DAB1: variants seen among roughly 807,000 people sequenced by gnomAD.
The protein encoded by DAB1 is DAB adaptor protein 1, also known as disabled homolog 1.
Under a neutral mutation model 64.6 loss-of-function variants are expected in DAB1, and 15 were observed. That is an observed-to-expected ratio of 0.23 (90% CI 0.16 to 0.36). The LOEUF (loss-of-function observed/expected upper bound fraction) is 0.36, where lower values mean the gene tolerates loss of function less well. DAB1 is among the 10% of genes least tolerant of loss of function. The pLI is 1.00. For synonymous variants in DAB1, 235 were observed against 251.9 expected, an observed-to-expected ratio of 0.93 and a Z score of 0.64; for missense variants, 596 against 706.7, an observed-to-expected ratio of 0.84 and a Z score of 1.78.
At chr1:57,988,113 T>C (rs1198584411) in intron 5 of DAB1, among the ~76,000 whole-genome samples, 1 of 152,140 alleles carries the variant, frequency 6.6e-6, no homozygotes, top group Non-Finnish European at 1.5e-5. Context: ...ACACTAAGGA[T>C]GCCCTGGAGG....
intron 4 of DAB1, among the ~76,000 whole-genome samples, chr1:58,193,706 A>C (rs1426795413): frequency 6.6e-6 from 1 of 152,108 alleles, no homozygotes; most frequent in Non-Finnish European, 1.5e-5. Flanking sequence ...TAATACAAAA[A>C]TTAGCCAGGC....
chr1:57,536,576 C>A (rs1420868107), intron 7 of DAB1, among the ~76,000 whole-genome samples: 1 of 150,384 alleles, frequency 6.6e-6, no homozygotes, highest in African/African-American at 2.4e-5. Context: ...ACCAATAAAC[C>A]TAATACACGT....
rs560585412 is a variant in DAB1 at position 57,836,219 on chromosome 1, G to A, written n.88-9764C>T. On this transcript the variant is annotated intron_variant and non_coding_transcript_variant, in intron 1 of 1. Coordinates refer to the DAB1 transcript ENST00000477280. ...AATTATTATGATCCCTATAACAACAGGTGAGAAATGGAAGCTAGAAAGGTG... is the reference window on the plus strand; with the variant it reads ...AATTATTATGATCCCTATAACAACAAGTGAGAAATGGAAGCTAGAAAGGTG... Among the ~76,000 whole-genome samples, 10 of 152,170 alleles carry A rather than the reference G, an allele frequency of 6.6e-5. No homozygotes were observed. The East Asian group carries it at 7.7e-4, about 12-fold the overall frequency.
chr1:58,180,884 T>C (rs1009556457), intron 4 of DAB1, among the ~76,000 whole-genome samples: 1 of 152,212 alleles, frequency 6.6e-6, no homozygotes, highest in African/African-American at 2.4e-5. Flanking sequence ...TGTTTTATGC[T>C]CTATCACATA....
At chr1:58,152,226 C>T (rs1005498491) in intron 4 of DAB1, among the ~76,000 whole-genome samples, 2 of 152,142 alleles carry the variant, frequency 1.3e-5, no homozygotes, top group African/African-American at 2.4e-5. Context: ...CTATACCCCC[C>T]ATTCTACAAG....
chr1:57,601,161 C>T (rs1434921252), intron 7 of DAB1, among the ~76,000 whole-genome samples: 3 of 152,236 alleles, frequency 2.0e-5, no homozygotes, highest in African/African-American at 4.8e-5. Flanking sequence ...AGTTCATCCA[C>T]CTTTAGGGTC....
At chr1:57,702,602 A>G (rs1221561080) in intron 6 of DAB1, among the ~76,000 whole-genome samples, 2 of 152,156 alleles carry the variant, frequency 1.3e-5, no homozygotes, top group East Asian at 3.9e-4. Flanking sequence ...TTATTTTTCA[A>G]TAGTCTGAGC....
In DAB1 at chr1:57,251,170, C is replaced by G. The variant is rs578066141; in HGVS notation, c.67+39794G>C. Among the ~76,000 whole-genome samples, 5 of 152,292 alleles carry G rather than the reference C, an allele frequency of 3.3e-5. 1 individual carries two copies. The highest frequency in any genetic ancestry group is 1.2e-4 in the African/African-American group (5 of 41,556). On this transcript the variant is annotated intron_variant, in intron 2 of 14. Coordinates refer to ENST00000371236, the MANE Select transcript of DAB1 (RefSeq NM_001365792.1). ...CCACCAGAAATGCTACCAGATTTTA[C>G]CAATGTGAATGACCGTCCTTGAATA... is the stretch of plus-strand genomic sequence containing the variant.
intron 5 of DAB1, among the ~76,000 whole-genome samples, chr1:57,912,106 T>A (rs1479275975): frequency 2.0e-5 from 3 of 152,182 alleles, no homozygotes; most frequent in Non-Finnish European, 4.4e-5. Flanking sequence ...TAATTCCACT[T>A]CTGCAAATCT....
intron 7 of DAB1, among the ~76,000 whole-genome samples, chr1:57,593,758 GCTTTA>G (rs1357516486): frequency 1.3e-5 from 2 of 152,202 alleles, no homozygotes; most frequent in Non-Finnish European, 2.9e-5. Flanking sequence ...TGGACACTCT[GCTTTA>G]CTTTACTTCT....
intron 7 of DAB1, among the ~76,000 whole-genome samples, chr1:57,648,487 CA>C (rs1646219800): frequency 1.3e-5 from 2 of 152,190 alleles, no homozygotes. Flanking sequence ...TCAGCCTCCT[CA>C]CCAGGTCACT....
chr1:58,360,462 C>T (rs1644154720), intron 3 of DAB1, among the ~76,000 whole-genome samples: 1 of 152,132 alleles, frequency 6.6e-6, no homozygotes, highest in African/African-American at 2.4e-5. Flanking sequence ...GGATCCCTGA[C>T]CAGCATGAGG....
intron 1 of DAB1, among the ~76,000 whole-genome samples, chr1:57,348,843 C>T (rs1220961768): frequency 6.6e-6 from 1 of 152,244 alleles, no homozygotes; most frequent in East Asian, 1.9e-4. Flanking sequence ...TTTTATTTCT[C>T]CAACAAGACT....
chr1:57,568,284 A>G (rs1227489484), intron 7 of DAB1, among the ~76,000 whole-genome samples: 1 of 152,268 alleles, frequency 6.6e-6, no homozygotes, highest in Admixed American at 6.5e-5. Flanking sequence ...TTCAAGATGA[A>G]TTAAAGACTT....
At position 57,695,273 on chromosome 1, in the gene DAB1, G is replaced by GGAGAGAGAAAGA. The variant is rs1557427566; in HGVS notation, n.552-45609_552-45608insTCTTTCTCTCTC. On this transcript the variant is annotated intron_variant and non_coding_transcript_variant, in intron 6 of 20. Transcript: ENST00000485760. ...AGAAAGAAAGAAGGAAGGAAGGAAG[G>GGAGAGAGAAAGA]AAGGAAGGAAGAAAGGGAGAGAGAA... 4.3e-4 allele frequency among the ~76,000 whole-genome samples: 33 copies of GGAGAGAGAAAGA among 76,492 alleles called. 8 individuals carry two copies. Among genetic ancestry groups the GGAGAGAGAAAGA allele is most frequent in the Admixed American group, 1.3e-3 (8 of 6,234 alleles). 50.2% of individuals were successfully genotyped at this position (76,492 alleles called of 152,430 possible).
intron 5 of DAB1, among the ~76,000 whole-genome samples, chr1:58,122,728 G>A (rs921324197): frequency 3.3e-5 from 5 of 152,152 alleles, no homozygotes; most frequent in African/African-American, 1.2e-4. Flanking sequence ...ACCTCTCTGA[G>A]CTTCATGTCT....
chr1:58,317,022 A>G (rs559611647), intron 4 of DAB1, among the ~76,000 whole-genome samples: 86 of 152,368 alleles, frequency 5.6e-4, no homozygotes, highest in Admixed American at 9.8e-4. Flanking sequence ...ATTCATTAAG[A>G]AACTATTGAA....
rs59456674 is a variant in DAB1, at chr1:57,735,609, G to GTT, written n.552-85946_552-85945dup. Among the ~76,000 whole-genome samples the GTT allele has an allele frequency of 3.0e-3, 286 of 94,868 alleles. 1 individual carries two copies. The highest frequency in any genetic ancestry group is 3.2e-3 in the African/African-American group (77 of 23,952). 62.2% of individuals were successfully genotyped at this position (94,868 alleles called of 152,430 possible). ...GTTCACTTTCCCATTCTGTTTGCTT[G>GTT]TTTTTTTTTTTTTTTTTTTTTTTTA... On this transcript the variant is annotated intron_variant and non_coding_transcript_variant, in intron 6 of 20. Transcript: ENST00000485760.
At chr1:57,690,969 T>C (rs1646756700) in intron 6 of DAB1, among the ~76,000 whole-genome samples, 1 of 152,224 alleles carries the variant, frequency 6.6e-6, no homozygotes, top group Non-Finnish European at 1.5e-5. Context: ...TTTAAGTCTT[T>C]TGCCCATTTT....
Sources: allele counts gnomAD v4.1 joint callset (sites outside exome capture counted in the v4.1 genomes callset), GRCh38; gene constraint gnomAD v4.1.1; transcripts MANE v1.5; gene names NCBI Gene and HGNC (gene_info 2026-07-23, HGNC 2026-07-21).